Variants in LINGO2 observed in about 807,000 individuals in gnomAD.
The protein encoded by LINGO2 is leucine rich repeat and Ig domain containing 2.
Under a neutral mutation model 30.6 loss-of-function variants are expected in LINGO2, and 14 were observed. That is an observed-to-expected ratio of 0.46 (90% confidence interval 0.30 to 0.72). LINGO2 has a LOEUF of 0.72. Ranked by LOEUF, LINGO2 falls within the 30% of genes least tolerant of loss-of-function variation. LINGO2 has a pLI of 0.07. For missense variants in LINGO2, 729 were observed against 751.7 expected (o/e 0.97, Z 0.35); for synonymous variants, 317 against 288.5 (o/e 1.10, Z -1.00).
intron 1 of LINGO2, among the ~76,000 whole-genome samples, chr9:28,487,513 G>C (rs375477002): frequency 1.3e-5 from 2 of 152,096 alleles, no homozygotes; most frequent in Non-Finnish European, 2.9e-5. Context: ...ACATTTATGA[G>C]AGCCAATTTA....
At chr9:28,460,118 A>G (rs1425757514) in intron 2 of LINGO2, among the ~76,000 whole-genome samples, 1 of 151,954 alleles carries the variant, frequency 6.6e-6, no homozygotes. Flanking sequence ...ATCTATTGTT[A>G]TTTTGTCAGC....
the LINGO2 span, among the ~76,000 whole-genome samples, chr9:28,938,585 T>C: frequency 1.3e-5 from 2 of 152,292 alleles, no homozygotes; most frequent in Admixed American, 1.3e-4. Flanking sequence ...CTTGGCACAA[T>C]GCATTATCTT....
At chr9:29,054,551 A>G in the LINGO2 span, among the ~76,000 whole-genome samples, 1 of 152,196 alleles carries the variant, frequency 6.6e-6, no homozygotes, top group Non-Finnish European at 1.5e-5. Context: ...AGTTTGCCAT[A>G]GTATCAAGAG....
chr9:28,180,427 A>G (rs567232721), intron 4 of LINGO2, among the ~76,000 whole-genome samples: 1 of 152,300 alleles, frequency 6.6e-6, no homozygotes, highest in East Asian at 1.9e-4. Flanking sequence ...ATGACATTAC[A>G]TATTCTATCT....
chr9:28,250,118 G>A (rs971521442), intron 4 of LINGO2, among the ~76,000 whole-genome samples: 2 of 152,074 alleles, frequency 1.3e-5, no homozygotes, highest in African/African-American at 4.8e-5. Context: ...TGTCCTCATG[G>A]GTCTTAACAA....
intron 5 of LINGO2, among the ~76,000 whole-genome samples, chr9:27,958,387 AT>A (rs139178887): frequency 0.013 from 1,950 of 152,146 alleles, 38 homozygotes; most frequent in African/African-American, 0.045. Context: ...CTTCGTGAGA[AT>A]TTTTGTCTAA....
intron 4 of LINGO2, among the ~76,000 whole-genome samples, chr9:28,075,020 C>T (rs1195538817): frequency 6.6e-6 from 1 of 151,494 alleles, no homozygotes; most frequent in African/African-American, 2.4e-5. Context: ...AGGACAACCA[C>T]ATTCAGAAAT....
intron 2 of LINGO2, among the ~76,000 whole-genome samples, chr9:28,464,051 C>T (rs544832627): frequency 6.6e-6 from 1 of 152,204 alleles, no homozygotes; most frequent in African/African-American, 2.4e-5. Flanking sequence ...CAAAACATTT[C>T]CCTAACACTT....
At chr9:28,566,309 T>C (rs1823379064) in intron 1 of LINGO2, among the ~76,000 whole-genome samples, 1 of 152,170 alleles carries the variant, frequency 6.6e-6, no homozygotes, top group African/African-American at 2.4e-5. Flanking sequence ...TGAATATAGC[T>C]ACACCTATGC....
At chr9:29,167,418 T>C in the LINGO2 span, among the ~76,000 whole-genome samples, 1 of 152,136 alleles carries the variant, frequency 6.6e-6, no homozygotes, top group African/African-American at 2.4e-5. Context: ...TTAAAGTTCT[T>C]AGTACTGAAT....
chr9:29,068,345 ATAAG>A, the LINGO2 span, among the ~76,000 whole-genome samples: 1 of 151,810 alleles, frequency 6.6e-6, no homozygotes, highest in Non-Finnish European at 1.5e-5. Flanking sequence ...CATATAAAAA[ATAAG>A]TAACAATGTA....
chr9:28,090,435 A>G (rs974545398), intron 4 of LINGO2, among the ~76,000 whole-genome samples: 2 of 152,008 alleles, frequency 1.3e-5, no homozygotes, highest in African/African-American at 4.8e-5. Flanking sequence ...ATGTAATCCA[A>G]CATATAAACA....
At chr9:28,476,243 T>A (rs915801124) in intron 1 of LINGO2, among the ~76,000 whole-genome samples, 2 of 152,208 alleles carry the variant, frequency 1.3e-5, no homozygotes, top group Non-Finnish European at 2.9e-5. Context: ...CCACGGAACA[T>A]AACAATCTAT....
chr9:29,084,789 T>A, the LINGO2 span, among the ~76,000 whole-genome samples: 2 of 152,030 alleles, frequency 1.3e-5, no homozygotes, highest in Non-Finnish European at 2.9e-5. Flanking sequence ...CATTTATGTA[T>A]GTGATTATTT....
At chr9:28,848,397 G>GTATATA in the LINGO2 span, among the ~76,000 whole-genome samples, 7 of 48,432 alleles carry the variant, frequency 1.4e-4, no homozygotes, top group South Asian at 8.6e-4. Flanking sequence ...GTGTGTGTGT[G>GTATATA]TATATATATA....
At chr9:29,159,382 G>T in the LINGO2 span, among the ~76,000 whole-genome samples, 1 of 152,090 alleles carries the variant, frequency 6.6e-6, no homozygotes, top group Non-Finnish European at 1.5e-5. Flanking sequence ...CTTCAGGCTT[G>T]CTTCATTAGA....
chr9:29,146,333 G>A, the LINGO2 span, among the ~76,000 whole-genome samples: 11 of 151,778 alleles, frequency 7.2e-5, no homozygotes, highest in Non-Finnish European at 1.0e-4. Context: ...CCAGTCTGGC[G>A]ACAGAGCAAG....
chr9:28,625,206 T>C (rs1213673992), intron 1 of LINGO2, among the ~76,000 whole-genome samples: 1 of 152,078 alleles, frequency 6.6e-6, no homozygotes, highest in East Asian at 1.9e-4. Context: ...AAATGCTCCT[T>C]CTGTAGATGA....
chr9:27,953,824 T>C (rs574542532), intron 5 of LINGO2, among the ~76,000 whole-genome samples: 7 of 152,144 alleles, frequency 4.6e-5, no homozygotes, highest in Non-Finnish European at 7.4e-5. Context: ...TAGCTTAACA[T>C]GGAAAATGAA....
Sources: allele counts gnomAD v4.1 joint callset (sites outside exome capture counted in the v4.1 genomes callset), GRCh38; gene constraint gnomAD v4.1.1; transcripts MANE v1.5; gene names NCBI Gene and HGNC (gene_info 2026-07-23, HGNC 2026-07-21).